The following RBFOX3 variants were observed in gnomAD, a reference collection of about 807,000 sequenced individuals.
RBFOX3 encodes the protein RNA binding protein fox-1 homolog 3.
In RBFOX3, 17 loss-of-function variants were observed where a neutral mutation model predicts 48.7. The observed-to-expected ratio is 0.35, with a 90% CI of 0.24 to 0.52. The LOEUF is 0.52. Ranked by LOEUF, RBFOX3 falls within the 20% of genes least tolerant of loss-of-function variation. RBFOX3 has a pLI of 0.94. For missense variants in RBFOX3, 382 were observed against 497.5 expected, an observed-to-expected ratio of 0.77 and a Z score of 2.21; for synonymous variants, 212 against 209.5, an observed-to-expected ratio of 1.01 and a Z score of -0.10.
chr17:79,157,873 G>A (rs2046166620), intron 4 of RBFOX3, among the ~76,000 whole-genome samples: 1 of 152,226 alleles, frequency 6.6e-6, no homozygotes, highest in African/African-American at 2.4e-5. Context: ...ACGCAGCACA[G>A]GGGAGGCGAC....
intron 4 of RBFOX3, among the ~76,000 whole-genome samples, chr17:79,168,235 G>A (rs926319580): frequency 6.6e-6 from 1 of 152,202 alleles, no homozygotes; most frequent in Non-Finnish European, 1.5e-5. Flanking sequence ...TGCCATGGGT[G>A]GGTCCCCCAC....
intron 1 of RBFOX3, among the ~76,000 whole-genome samples, chr17:79,504,869 CAT>C (rs1459733631): frequency 2.6e-5 from 4 of 152,202 alleles, no homozygotes; most frequent in African/African-American, 9.7e-5. Flanking sequence ...GCACTAAAAA[CAT>C]ATACAGATGC....
intron 1 of RBFOX3, among the ~76,000 whole-genome samples, chr17:79,536,125 G>A (rs898493270): frequency 2.0e-5 from 3 of 152,132 alleles, no homozygotes; most frequent in Non-Finnish European, 2.9e-5. Flanking sequence ...CACCCAGACT[G>A]GAGTGCAGTG....
rs1459196861 is a variant in RBFOX3 at position 79,199,159 on chromosome 17, C to G, written c.-34+36607G>C. On this transcript the variant is annotated intron_variant, in intron 4 of 14. Coordinates refer to ENST00000693108, the MANE Select transcript of RBFOX3 (RefSeq NM_001350451.2). This position sits in a 1 kb window ranked among gnomAD's most constrained non-coding sequence, Gnocchi z 5.1. ...GCCCAGCAAAGGGTGCAGCTGTGGT[C>G]ATAGGGTGGGGATGGGAAGGCAGAC... Among the ~76,000 whole-genome samples the G allele has an allele frequency of 6.6e-6, 1 of 152,120 alleles. No homozygotes were observed. Among genetic ancestry groups the G allele is most frequent in the Non-Finnish European group, 1.5e-5 (1 of 68,010 alleles).
At chr17:79,310,875 G>A (rs896934157) in intron 2 of RBFOX3, among the ~76,000 whole-genome samples, 2 of 152,102 alleles carry the variant, frequency 1.3e-5, no homozygotes, top group African/African-American at 4.8e-5. Flanking sequence ...TTGGGGTCTC[G>A]GGGCATCTGA....
chr17:79,507,001 C>T (rs1259118302), intron 1 of RBFOX3, among the ~76,000 whole-genome samples: 2 of 152,168 alleles, frequency 1.3e-5, no homozygotes, highest in African/African-American at 2.4e-5. Context: ...CCTGAGAAAT[C>T]GGGATCCACC....
At chr17:79,320,637 G>A (rs1163950329) in intron 2 of RBFOX3, among the ~76,000 whole-genome samples, 1 of 152,040 alleles carries the variant, frequency 6.6e-6, no homozygotes, top group African/African-American at 2.4e-5. Flanking sequence ...GAAACCACGA[G>A]TCTGTCCCCA....
chr17:79,090,286 G>A lies in RBFOX3; in HGVS notation c.*597C>T, dbSNP rs1294947371. On this transcript the variant is annotated 3_prime_UTR_variant, in exon 15 of 15. Coordinates refer to ENST00000693108, the MANE Select transcript of RBFOX3 (RefSeq NM_001350451.2). ...TGTTGGACGGCTTCCTCGCCAGGCT[G>A]GGGGCACGGGCGGGACTGCCGGGCA... 1 of 152,498 alleles carries A rather than the reference G, an allele frequency of 6.6e-6. No homozygotes were observed. Among genetic ancestry groups the A allele is most frequent in the African/African-American group, 2.4e-5 (1 of 41,368 alleles). The allele number at this position is 152,498 out of a possible 1,614,324, so 9.4% of individuals were successfully genotyped here.
At chr17:79,259,524 A>G (rs987677268) in intron 3 of RBFOX3, among the ~76,000 whole-genome samples, 3 of 152,176 alleles carry the variant, frequency 2.0e-5, no homozygotes, top group African/African-American at 7.2e-5. Flanking sequence ...TGCATCTGGG[A>G]GGCAAGGCCT....
chr17:79,652,771 G>T, the RBFOX3 span, among the ~76,000 whole-genome samples: 1 of 151,700 alleles, frequency 6.6e-6, no homozygotes, highest in Non-Finnish European at 1.5e-5. Context: ...GTTCCAGAGA[G>T]AACAGAGAAA....
chr17:79,136,988 C>A (rs2040364380), intron 4 of RBFOX3, among the ~76,000 whole-genome samples: 1 of 152,170 alleles, frequency 6.6e-6, no homozygotes, highest in Non-Finnish European at 1.5e-5. Context: ...TCTGCACATT[C>A]AGCCACACGC....
At chr17:79,227,243 G>T (rs1304090749) in intron 4 of RBFOX3, among the ~76,000 whole-genome samples, 1 of 152,230 alleles carries the variant, frequency 6.6e-6, no homozygotes, top group Non-Finnish European at 1.5e-5. Flanking sequence ...GACAAAGTAA[G>T]TCCTGAGAGG....
At chr17:79,658,931 G>A in the RBFOX3 span, among the ~76,000 whole-genome samples, 1 of 152,234 alleles carries the variant, frequency 6.6e-6, no homozygotes, top group Non-Finnish European at 1.5e-5. Flanking sequence ...AGGTTCTGCT[G>A]CAGTAGAAAA....
intron 3 of RBFOX3, among the ~76,000 whole-genome samples, chr17:79,276,276 C>T (rs1476937715): frequency 3.3e-5 from 5 of 152,172 alleles, no homozygotes; most frequent in Admixed American, 6.5e-5. Flanking sequence ...CATTCTAGAC[C>T]GGATTATGGT....
At chr17:79,380,345 T>A (rs1254144667) in intron 2 of RBFOX3, among the ~76,000 whole-genome samples, 2 of 152,274 alleles carry the variant, frequency 1.3e-5, no homozygotes, top group African/African-American at 2.4e-5. Flanking sequence ...AAGTCTTTTT[T>A]AATTTTCAAT....
intron 2 of RBFOX3, among the ~76,000 whole-genome samples, chr17:79,331,705 C>A (rs1178755136): frequency 6.6e-6 from 1 of 152,224 alleles, no homozygotes; most frequent in East Asian, 1.9e-4. Flanking sequence ...ATTGACACCG[C>A]AAGGACTTTC....
chr17:79,540,954 C>A (rs782229152), intron 1 of RBFOX3, among the ~76,000 whole-genome samples: 2 of 152,132 alleles, frequency 1.3e-5, no homozygotes, highest in Admixed American at 6.5e-5. Flanking sequence ...TTCTTGAGGC[C>A]TGGGGGGATC....
chr17:79,215,564 C>T (rs1381530919), intron 4 of RBFOX3, among the ~76,000 whole-genome samples: 1 of 152,238 alleles, frequency 6.6e-6, no homozygotes, highest in Non-Finnish European at 1.5e-5. Flanking sequence ...CCTGCCCACA[C>T]GGAGCTCACA....
chr17:79,662,129 A>ATTTTTTTTTTT, the RBFOX3 span, among the ~76,000 whole-genome samples: 9 of 14,474 alleles, frequency 6.2e-4, no homozygotes, highest in Admixed American at 1.2e-3. Flanking sequence ...CTTCCTGTTT[A>ATTTTTTTTTTT]TTCTTTTTTT....
Sources: allele counts gnomAD v4.1 joint callset (sites outside exome capture counted in the v4.1 genomes callset), GRCh38; gene constraint gnomAD v4.1.1; non-coding constraint Gnocchi (gnomAD v3.1); transcripts MANE v1.5; gene names NCBI Gene and HGNC (gene_info 2026-07-23, HGNC 2026-07-21).